NKAIN3: variants seen among roughly 807,000 people sequenced by gnomAD.
The protein encoded by NKAIN3 is sodium/potassium-transporting ATPase subunit beta-1-interacting protein 3.
A neutral mutation model predicts 30.2 loss-of-function variants in NKAIN3; 25 were observed. The observed-to-expected ratio is 0.83, with a 90% CI of 0.60 to 1.16. NKAIN3 has a LOEUF of 1.16. Among genes scored for constraint, NKAIN3 ranks in the 50% most tolerant of loss-of-function variants. The pLI, the probability that NKAIN3 is intolerant of heterozygous loss-of-function variation, is 0.00. For missense variants in NKAIN3, 225 were observed against 254.1 expected, an observed-to-expected ratio of 0.89 and a Z score of 0.78; for synonymous variants, 91 against 89.6, an observed-to-expected ratio of 1.02 and a Z score of -0.09.
At chr8:62,370,123 T>G (rs982462605) in intron 1 of NKAIN3, among the ~76,000 whole-genome samples, 35 of 152,168 alleles carry the variant, frequency 2.3e-4, no homozygotes, top group Admixed American at 2.6e-4. Context: ...AAATCAACAG[T>G]GTCAAATTAT....
At chr8:62,712,657 C>A (rs1411417799) in intron 3 of NKAIN3, among the ~76,000 whole-genome samples, 1 of 152,188 alleles carries the variant, frequency 6.6e-6, no homozygotes, top group African/African-American at 2.4e-5. Context: ...AGACTACCCG[C>A]CTCTCAGCCT....
At chr8:62,311,444 T>A (rs542502329) in intron 1 of NKAIN3, among the ~76,000 whole-genome samples, 1 of 150,460 alleles carries the variant, frequency 6.6e-6, no homozygotes, top group African/African-American at 2.5e-5. Flanking sequence ...TTAAGTAGTT[T>A]GACTAAGTTC....
intron 1 of NKAIN3, among the ~76,000 whole-genome samples, chr8:62,571,657 C>T (rs1018586165): frequency 6.6e-6 from 1 of 152,146 alleles, no homozygotes; most frequent in Non-Finnish European, 1.5e-5. Context: ...GCTGGGCATC[C>T]AGGCATTTCC....
chr8:62,579,914 C>T (rs752031299), intron 2 of NKAIN3, among the ~76,000 whole-genome samples: 5 of 152,162 alleles, frequency 3.3e-5, no homozygotes, highest in East Asian at 3.9e-4. Context: ...TCACTCACAA[C>T]GTAACTGAAT....
chr8:62,695,026 A>G (rs1383680625), intron 3 of NKAIN3, among the ~76,000 whole-genome samples: 1 of 152,170 alleles, frequency 6.6e-6, no homozygotes, highest in Non-Finnish European at 1.5e-5. Flanking sequence ...GTGTCTACCT[A>G]GTGCAAGTGC....
At chr8:62,749,351 A>G (rs16929512) in intron 4 of NKAIN3, among the ~76,000 whole-genome samples, 29,541 of 152,036 alleles carry the variant, frequency 0.19, 3,277 homozygotes, top group African/African-American at 0.29. Context: ...GTTGCCACCT[A>G]AAAGTACTTT....
chr8:62,913,828 A>G (rs1821996638), intron 4 of NKAIN3, among the ~76,000 whole-genome samples: 1 of 152,228 alleles, frequency 6.6e-6, no homozygotes, highest in African/African-American at 2.4e-5. Flanking sequence ...AGAATTTGAA[A>G]TTGTCAAGAA....
intron 1 of NKAIN3, among the ~76,000 whole-genome samples, chr8:62,311,223 C>G (rs1814417508): frequency 1.3e-5 from 2 of 150,334 alleles, no homozygotes; most frequent in Non-Finnish European, 2.9e-5. Context: ...TAATATAGAT[C>G]TAATTAAATG....
intron 6 of NKAIN3, among the ~76,000 whole-genome samples, chr8:62,960,735 G>GCACGCACACA (rs1554596934): frequency 1.3e-5 from 2 of 148,434 alleles, no homozygotes; most frequent in Non-Finnish European, 3.0e-5. Flanking sequence ...CAGGAAAAAA[G>GCACGCACACA]CACACACACA....
intron 4 of NKAIN3, among the ~76,000 whole-genome samples, chr8:62,830,267 T>A (rs2130743854): frequency 6.6e-6 from 1 of 152,280 alleles, no homozygotes; most frequent in African/African-American, 2.4e-5. Flanking sequence ...TTGTAGCCAC[T>A]TATACAGTAT....
At chr8:62,357,210 C>G (rs1585718145) in intron 1 of NKAIN3, among the ~76,000 whole-genome samples, 1 of 152,252 alleles carries the variant, frequency 6.6e-6, no homozygotes, top group East Asian at 1.9e-4. Context: ...AGTTTGAGAA[C>G]AGCCTGGGCA....
intron 3 of NKAIN3, among the ~76,000 whole-genome samples, chr8:62,688,782 C>T (rs927703597): frequency 1.3e-5 from 2 of 151,182 alleles, no homozygotes; most frequent in African/African-American, 2.4e-5. Context: ...AAAACCATAA[C>T]GTATTCTCTC....
Position 62,981,760 on chromosome 8 carries a change from A to C in NKAIN3, c.*16353A>C, listed in dbSNP as rs937082805. The C allele has an allele frequency of 4.6e-5, 7 of 152,170 alleles. No individual in the cohort carries two copies. The South Asian group carries it at 1.4e-3, about 32-fold the overall frequency. The allele number at this position is 152,170 out of a possible 1,614,324, so 9.4% of individuals were successfully genotyped here. A position where few individuals can be genotyped will look rare whatever the true frequency, so the allele number is the denominator to read the frequency against. Reference sequence around the variant, plus strand: ...ACAGAACTAAGGACCGAAAAAAAAAAAAAAAAGATCTCTATCCCAATAGAT... The same window carrying C: ...ACAGAACTAAGGACCGAAAAAAAAACAAAAAAGATCTCTATCCCAATAGAT... On this transcript the variant is annotated 3_prime_UTR_variant, in exon 7 of 7. Transcript: ENST00000623646.
chr8:62,339,080 G>C lies in NKAIN3; in HGVS notation c.54+89953G>C, dbSNP rs953078555. On this transcript the variant is annotated intron_variant, in intron 1 of 6. Coordinates refer to ENST00000623646, the MANE Select transcript of NKAIN3 (RefSeq NM_001304533.3). ...AGAAGAATCTAAAGAATAAGAAGGA[G>C]ATGCCTGTGATTAGACCACTAGGAA... is the stretch of plus-strand genomic sequence containing the variant. 2.4e-4 allele frequency among the ~76,000 whole-genome samples: 37 copies of C among 152,110 alleles called. No homozygotes were observed. The East Asian group carries it at 5.4e-3, about 22-fold the overall frequency.
chr8:62,327,522 T>C (rs963279620), intron 1 of NKAIN3, among the ~76,000 whole-genome samples: 1 of 152,088 alleles, frequency 6.6e-6, no homozygotes, highest in African/African-American at 2.4e-5. Context: ...CCAGATTCAT[T>C]CATTACCATG....
intron 3 of NKAIN3, among the ~76,000 whole-genome samples, chr8:62,595,762 T>G (rs1810809510): frequency 6.6e-6 from 1 of 151,832 alleles, no homozygotes; most frequent in African/African-American, 2.4e-5. Flanking sequence ...AATTGGGGTG[T>G]AGTAGGGGTT....
Position 62,335,285 on chromosome 8 carries a change from G to A in NKAIN3, c.54+86158G>A, listed in dbSNP as rs147162806. Among the ~76,000 whole-genome samples, 10 of 151,900 alleles carry A rather than the reference G, an allele frequency of 6.6e-5. No homozygotes were observed. The East Asian group carries it at 1.8e-3, about 27-fold the overall frequency. ...TATTAAAAATACAAAAATTAGCTGG[G>A]TGTGGTGACTCATGCCTGTTATTAC... On this transcript the variant is annotated intron_variant, in intron 1 of 6. Coordinates refer to ENST00000623646, the MANE Select transcript of NKAIN3 (RefSeq NM_001304533.3).
rs149091328 is a variant in NKAIN3 at position 62,537,307 on chromosome 8, A to C, written c.55-42232A>C. Among the ~76,000 whole-genome samples, 274 of 152,280 alleles carry C rather than the reference A, an allele frequency of 1.8e-3. 1 individual carries two copies. Among genetic ancestry groups the C allele is most frequent in the African/African-American group, 6.2e-3 (259 of 41,546 alleles). On this transcript the variant is annotated intron_variant, in intron 1 of 6. Coordinates refer to ENST00000623646, the MANE Select transcript of NKAIN3 (RefSeq NM_001304533.3). The stretch of plus-strand genomic sequence containing the variant: ...AGGACTCTTTGAAGCTCATTTGCTA[A>C]ATAAAGGAACTGATTTTACTTAGGG...
chr8:62,402,570 G>T (rs1021007334), intron 1 of NKAIN3, among the ~76,000 whole-genome samples: 1 of 152,156 alleles, frequency 6.6e-6, no homozygotes, highest in Non-Finnish European at 1.5e-5. Flanking sequence ...AGATCTGAGG[G>T]TTTTATAAGA....
Sources: gnomAD v4.1 joint callset for allele counts (sites outside exome capture counted in the v4.1 genomes callset) on GRCh38, gnomAD v4.1.1 for gene constraint, MANE v1.5 for transcripts, NCBI Gene and HGNC (gene_info 2026-07-23, HGNC 2026-07-21) for gene names.